PITPNC1: variants seen among roughly 807,000 people sequenced by gnomAD.
The protein encoded by PITPNC1 is cytoplasmic phosphatidylinositol transfer protein 1.
A neutral mutation model predicts 44.7 loss-of-function variants in PITPNC1; 18 were observed. That is an observed-to-expected ratio of 0.40 (90% CI 0.28 to 0.60). The LOEUF (loss-of-function observed/expected upper bound fraction) is 0.60. PITPNC1 is among the 20% of genes least tolerant of loss of function. The pLI is 0.39. For synonymous variants in PITPNC1, 141 were observed against 149.6 expected (o/e 0.94, Z 0.42); for missense variants, 290 against 418.4 (o/e 0.69, Z 2.68).
At chr17:67,679,820 A>T (rs2042670685) in intron 8 of PITPNC1, among the ~76,000 whole-genome samples, 1 of 152,168 alleles carries the variant, frequency 6.6e-6, no homozygotes, top group African/African-American at 2.4e-5. Flanking sequence ...ATTTCAGGAG[A>T]TGGGGTGAGA....
At position 67,377,981 on chromosome 17, in the gene PITPNC1, A is replaced by C. The variant is rs2037896982; in HGVS notation, c.-174A>C. On this transcript the variant is annotated 5_prime_UTR_variant, in exon 1 of 9. An upstream start codon of the reference 5' UTR is lost. Coordinates refer to ENST00000581322, the MANE Select transcript of PITPNC1 (RefSeq NM_012417.4). ...CGAACACCCAGACCCAAACCCTGAC[A>C]TGCTCTGGGGCGGAGAGGAGGAAGC... 2.3e-6 allele frequency: 1 copy of C among 436,910 alleles called. No homozygotes were observed. Among genetic ancestry groups the C allele is most frequent in the Non-Finnish European group, 4.0e-6 (1 of 250,264 alleles). 27.1% of individuals were successfully genotyped at this position (436,910 alleles called of 1,614,324 possible).
At chr17:67,575,874 C>T (rs140772908) in intron 4 of PITPNC1, among the ~76,000 whole-genome samples, 306 of 18,430 alleles carry the variant, frequency 0.017, 9 homozygotes, top group African/African-American at 0.041. Flanking sequence ...TTCTTTCTTT[C>T]TTTCCTTTTT....
At chr17:67,444,161 A>G (rs1294012179) in intron 1 of PITPNC1, among the ~76,000 whole-genome samples, 1 of 151,976 alleles carries the variant, frequency 6.6e-6, no homozygotes, top group African/African-American at 2.4e-5. Context: ...CCATCCCTGG[A>G]TTGTTTGGAA....
At chr17:67,556,497 G>A (rs2040839900) in intron 4 of PITPNC1, among the ~76,000 whole-genome samples, 1 of 152,178 alleles carries the variant, frequency 6.6e-6, no homozygotes, top group Non-Finnish European at 1.5e-5. Flanking sequence ...ATGGTGGTGT[G>A]GAAGAACTGG....
chr17:67,424,085 C>CAAAA (rs71139144), intron 1 of PITPNC1, among the ~76,000 whole-genome samples: 5,318 of 75,922 alleles, frequency 0.07, 374 homozygotes, highest in African/African-American at 0.096. Flanking sequence ...GAGACTGTCT[C>CAAAA]AAAAAAAAAA....
At chr17:67,402,628 G>T (rs1202634818) in intron 1 of PITPNC1, among the ~76,000 whole-genome samples, 2 of 152,216 alleles carry the variant, frequency 1.3e-5, no homozygotes, top group Non-Finnish European at 2.9e-5. Flanking sequence ...GCAATGAATG[G>T]CATCCACTAG....
intron 1 of PITPNC1, among the ~76,000 whole-genome samples, chr17:67,424,281 A>C (rs1161333177): frequency 2.0e-5 from 3 of 152,070 alleles, no homozygotes; most frequent in African/African-American, 7.2e-5. Flanking sequence ...GAATGGCATA[A>C]GAGGGACTGT....
At chr17:67,497,495 A>T (rs1359775577) in intron 1 of PITPNC1, among the ~76,000 whole-genome samples, 1 of 149,924 alleles carries the variant, frequency 6.7e-6, no homozygotes, top group East Asian at 2.0e-4. Context: ...ATTACAAGTA[A>T]GATAAACCTG....
At chr17:67,389,337 A>G (rs2038102117) in intron 1 of PITPNC1, among the ~76,000 whole-genome samples, 2 of 152,376 alleles carry the variant, frequency 1.3e-5, no homozygotes, top group African/African-American at 2.4e-5. Flanking sequence ...CTTGGGGGCC[A>G]TTCTGCCTCT....
rs1231017107 is a variant in PITPNC1 at position 67,629,236 on chromosome 17, T to TTGTGTGTGTGTGTGTGTG, written c.367-2906_367-2905insGTGTGTGTGTGTGTGTGT. Among the ~76,000 whole-genome samples the TTGTGTGTGTGTGTGTGTG allele has an allele frequency of 7.0e-4, 4 of 5,750 alleles. No homozygotes were observed. In the South Asian group the frequency reaches 0.029, roughly 41 times the overall value. 3.8% of individuals were successfully genotyped at this position (5,750 alleles called of 152,430 possible). A position where few individuals can be genotyped will look rare whatever the true frequency, so the allele number is the denominator to read the frequency against. ...TGGAAGCTCATTTCCCTCTGGGGTATTCTGTGTGTGTGTGTGTGTGTGTGT... is the reference window on the plus strand; with the variant it reads ...TGGAAGCTCATTTCCCTCTGGGGTATTGTGTGTGTGTGTGTGTGTCTGTGTGTGTGTGTGTGTGTGTGT... On this transcript the variant is annotated intron_variant, in intron 5 of 8. Coordinates refer to ENST00000581322, the MANE Select transcript of PITPNC1 (RefSeq NM_012417.4).
Position 67,549,035 on chromosome 17 carries a change from G to A in PITPNC1, c.198-3222G>A, listed in dbSNP as rs1013902570. 2.8e-4 allele frequency among the ~76,000 whole-genome samples: 42 copies of A among 152,156 alleles called. 1 individual carries two copies. Among genetic ancestry groups the A allele is most frequent in the Non-Finnish European group, 1.9e-4 (13 of 68,018 alleles). Reference sequence around the variant, plus strand: ...AATAATGATGTGCTGTGAGGAAATCGGGGGCTGAGAGAAGATCTGTTGGTG... The same window carrying A: ...AATAATGATGTGCTGTGAGGAAATCAGGGGCTGAGAGAAGATCTGTTGGTG... On this transcript the variant is annotated intron_variant, in intron 2 of 8. Transcript: ENST00000581322.
At position 67,557,118 on chromosome 17, in the gene PITPNC1, T is replaced by A. The variant is rs116680771; in HGVS notation, c.294+3501T>A. Among the ~76,000 whole-genome samples the A allele has an allele frequency of 4.9e-3, 751 of 152,262 alleles. 8 individuals are homozygous for A. The highest frequency in any genetic ancestry group is 0.017 in the African/African-American group (708 of 41,550). On this transcript the variant is annotated intron_variant, in intron 4 of 8. Coordinates refer to ENST00000581322, the MANE Select transcript of PITPNC1 (RefSeq NM_012417.4). ...ATTTATTTCTCACAGTTGCAGAAGC[T>A]GAAAGTGCGACTGGGTTCCTGGTGA...
chr17:67,456,351 C>T (rs1005452191), intron 1 of PITPNC1, among the ~76,000 whole-genome samples: 6 of 152,148 alleles, frequency 3.9e-5, no homozygotes, highest in East Asian at 1.9e-4. Flanking sequence ...AAAAAAATCT[C>T]GAGTCTGGGT....
At chr17:67,586,436 A>C (rs1233303618) in intron 5 of PITPNC1, among the ~76,000 whole-genome samples, 1 of 151,458 alleles carries the variant, frequency 6.6e-6, no homozygotes, top group Non-Finnish European at 1.5e-5. Context: ...AAAAAAAAAA[A>C]AAAAAAAAAT....
chr17:67,503,278 T>C (rs2040059602), intron 1 of PITPNC1, among the ~76,000 whole-genome samples: 1 of 152,070 alleles, frequency 6.6e-6, no homozygotes, highest in Non-Finnish European at 1.5e-5. Flanking sequence ...GAATTTCCCA[T>C]TGTAGGACTG....
At chr17:67,487,665 GTT>G (rs2144038579) in intron 1 of PITPNC1, among the ~76,000 whole-genome samples, 1 of 152,298 alleles carries the variant, frequency 6.6e-6, no homozygotes, top group Non-Finnish European at 1.5e-5. Flanking sequence ...AAGGGGGAAA[GTT>G]TAAGTTTTTC....
chr17:67,449,340 G>A (rs755390851), intron 1 of PITPNC1, among the ~76,000 whole-genome samples: 2 of 152,098 alleles, frequency 1.3e-5, no homozygotes, highest in East Asian at 1.9e-4. Context: ...TGGTGGTGCC[G>A]ATACACACAT....
chr17:67,656,338 A>G (rs2042267528), intron 6 of PITPNC1, among the ~76,000 whole-genome samples: 1 of 152,026 alleles, frequency 6.6e-6, no homozygotes, highest in South Asian at 2.1e-4. Flanking sequence ...GTGACTCCTT[A>G]ACTCCCATCT....
chr17:67,541,626 T>C (rs575485908), intron 2 of PITPNC1, among the ~76,000 whole-genome samples: 49 of 152,198 alleles, frequency 3.2e-4, no homozygotes, highest in Non-Finnish European at 4.7e-4. Flanking sequence ...AGAACATACT[T>C]GGAATATTTT....
Sources: allele counts gnomAD v4.1 joint callset (sites outside exome capture counted in the v4.1 genomes callset), GRCh38; gene constraint gnomAD v4.1.1; transcripts MANE v1.5; gene names NCBI Gene and HGNC (gene_info 2026-07-23, HGNC 2026-07-21).